DDX25: variants seen among roughly 807,000 people sequenced by gnomAD.
The protein encoded by DDX25 is ATP-dependent RNA helicase DDX25.
A neutral mutation model predicts 64.6 loss-of-function variants in DDX25; 70 were observed. The observed-to-expected ratio is 1.08, with a 90% confidence interval of 0.89 to 1.32. DDX25 has a LOEUF of 1.32. Ranked by LOEUF, DDX25 falls within the 40% of genes most tolerant of loss-of-function variation. DDX25 has a pLI of 0.00. For missense variants in DDX25, 587 were observed against 604.4 expected (o/e 0.97, Z 0.30); for synonymous variants, 211 against 213.3 (o/e 0.99, Z 0.09).
upstream of DDX25, chr11:125,904,332 C>T (rs1944842612): frequency 2.3e-6 from 1 of 429,646 alleles, no homozygotes. Context: ...CCGCCCCGCT[C>T]TCTGCCCTCC....
At chr11:125,914,419 A>G (rs1200643028) in intron 8 of DDX25, among the ~76,000 whole-genome samples, 3 of 152,194 alleles carry the variant, frequency 2.0e-5, no homozygotes, top group Non-Finnish European at 4.4e-5. Context: ...CCCATTCGGT[A>G]TGCATATTTT....
chr11:125,905,578 AGAT>A lies in DDX25; in HGVS notation c.162_164del (p.Asp54del), dbSNP rs1364769028. 29 of 1,551,770 alleles carry A rather than the reference AGAT, an allele frequency of 1.9e-5. No individual in the cohort carries two copies. The highest frequency in any genetic ancestry group is 2.5e-5 in the Non-Finnish European group (29 of 1,146,892). On this transcript the variant is annotated inframe_deletion, in exon 3 of 12. Coordinates refer to ENST00000263576, the MANE Select transcript of DDX25 (RefSeq NM_013264.5). The stretch of plus-strand genomic sequence containing the variant: ...ATGGTTCTATTAATAACATCAATGA[AGAT>A]GATGAAGAAGATGTAGGTAGGAGAT...
At chr11:125,905,627 A>T (rs892113333) in intron 3 of DDX25, 30 bp downstream of exon 3, 5 of 1,541,284 alleles carry the variant, frequency 3.2e-6, no homozygotes, top group Non-Finnish European at 8.8e-7. Flanking sequence ...GCATGTATCT[A>T]CTAGCATTCT....
In DDX25 at chr11:125,905,441, T is replaced by C. The variant is rs1229017644; in HGVS notation, c.131-112T>C. ...TTCGTCCATTCCTCCATGAAATGAC[T>C]CTTCTTGCCAGTAGACACTGAAGAG... On this transcript the variant is annotated intron_variant, in intron 2 of 11. Coordinates refer to ENST00000263576, the MANE Select transcript of DDX25 (RefSeq NM_013264.5). The C allele has an allele frequency of 1.4e-5, 19 of 1,346,096 alleles. No individual in the cohort carries two copies. The East Asian group carries it at 3.3e-4, about 23-fold the overall frequency. The allele number at this position is 1,346,096 out of a possible 1,614,324, so 83.4% of individuals were successfully genotyped here.
At chr11:125,907,383 C>CATGT in intron 4 of DDX25, among the ~76,000 whole-genome samples, 1 of 152,102 alleles carries the variant, frequency 6.6e-6, no homozygotes. Context: ...CCAAGGGGGG[C>CATGT]GGATCACGAG....
chr11:125,907,424 C>T lies in DDX25; in HGVS notation c.312-772C>T, dbSNP rs556046557. 4.7e-4 allele frequency among the ~76,000 whole-genome samples: 72 copies of T among 152,184 alleles called. 1 individual carries two copies. The highest frequency in any genetic ancestry group is 1.2e-3 in the African/African-American group (50 of 41,524). ...GAGATCGAGACCATCCTGGCTAACA[C>T]AGTGAAACCCCGTCTCTACTAAAAA... On this transcript the variant is annotated intron_variant, in intron 4 of 11. Transcript: ENST00000263576.
chr11:125,914,754 T>C (rs1216306458), intron 8 of DDX25, among the ~76,000 whole-genome samples: 3 of 152,226 alleles, frequency 2.0e-5, no homozygotes, highest in African/African-American at 4.8e-5. Flanking sequence ...TCTTTTTTTC[T>C]GAGATGGAGT....
chr11:125,913,673 TATTCTGAA>T (rs1944996503), intron 8 of DDX25, among the ~76,000 whole-genome samples: 1 of 152,032 alleles, frequency 6.6e-6, no homozygotes, highest in African/African-American at 2.4e-5. Context: ...TTCTTTATGG[TATTCTGAA>T]ACTTTTCAGT....
intron 10 of DDX25, among the ~76,000 whole-genome samples, chr11:125,919,940 A>C (rs1945090242): frequency 6.6e-6 from 1 of 152,232 alleles, no homozygotes; most frequent in African/African-American, 2.4e-5. Flanking sequence ...TTTAATTGAA[A>C]TATAGCCACA....
intron 1 of DDX25, 78 bp downstream of exon 1, chr11:125,904,658 A>G (rs1591513187): frequency 7.1e-7 from 1 of 1,398,724 alleles, no homozygotes; most frequent in Non-Finnish European, 9.5e-7. Flanking sequence ...CTGGGAGGGG[A>G]GGGAGAGCCC....
At chr11:125,905,969 G>A (rs1944878560) in intron 3 of DDX25, 105 bp from the exon 4 acceptor site, 1 of 1,363,104 alleles carries the variant, frequency 7.3e-7, no homozygotes, top group African/African-American at 1.5e-5. Context: ...GGAAAAATGA[G>A]CGTAGGTGCA....
chr11:125,918,862 T>C, intron 10 of DDX25, 72 bp downstream of exon 10: 1 of 1,454,100 alleles, frequency 6.9e-7, no homozygotes, highest in Non-Finnish European at 9.2e-7. Context: ...AGTGTACAGT[T>C]TCGCGAGTTT....
Position 125,925,265 on chromosome 11 carries a change from G to C in DDX25, c.*2384G>C. On this transcript the variant is annotated 3_prime_UTR_variant, in exon 12 of 12. Coordinates refer to ENST00000263576, the MANE Select transcript of DDX25 (RefSeq NM_013264.5). ...CCAGTTACCCTCACAAATGTCCTCA[G>C]TAATTTTTGTTTGGCAGCTGTTCCC... The C allele has an allele frequency of 1.6e-5, 6 of 371,160 alleles. No homozygotes were observed. The highest frequency in any genetic ancestry group is 1.2e-4 in the South Asian group (6 of 50,664). 23.0% of individuals were successfully genotyped at this position (371,160 alleles called of 1,614,324 possible).
In DDX25 at chr11:125,912,819, A is replaced by G. The variant is rs112991310; in HGVS notation, c.800+1331A>G. 6.5e-3 allele frequency among the ~76,000 whole-genome samples: 992 copies of G among 151,848 alleles called. 10 individuals are homozygous for G. Among genetic ancestry groups the G allele is most frequent in the African/African-American group, 0.023 (936 of 41,388 alleles). The stretch of plus-strand genomic sequence containing the variant: ...CCTTAGCTATTCTATCGTATGTGTC[A>G]TATGTCTGTGATATCTCCAAATAGT... On this transcript the variant is annotated intron_variant, in intron 8 of 11. Transcript: ENST00000263576.
intron 8 of DDX25, among the ~76,000 whole-genome samples, chr11:125,913,949 A>G (rs1199440210): frequency 6.6e-6 from 1 of 152,214 alleles, no homozygotes; most frequent in African/African-American, 2.4e-5. Context: ...CATTAAAATA[A>G]CACAGTCATT....
intron 10 of DDX25, 100 bp downstream of exon 10, chr11:125,918,890 T>A (rs1945076435): frequency 1.5e-6 from 2 of 1,323,692 alleles, no homozygotes; most frequent in African/African-American, 3.0e-5. Context: ...CATGCAATCA[T>A]GCAGCTATCA....
chr11:125,917,326 C>T (rs920290943), intron 9 of DDX25, 75 bp downstream of exon 9: 9 of 1,389,442 alleles, frequency 6.5e-6, no homozygotes, highest in Non-Finnish European at 8.8e-6. Flanking sequence ...AATAAGTGCC[C>T]TAGAGCCAGG....
At chr11:125,918,941 C>G (rs192421126) in intron 10 of DDX25, among the ~76,000 whole-genome samples, 151 bp downstream of exon 10, 1 of 152,238 alleles carries the variant, frequency 6.6e-6, no homozygotes, top group African/African-American at 2.4e-5. Flanking sequence ...CCCCAGTTTC[C>G]TCACACTCCT....
intron 6 of DDX25, among the ~76,000 whole-genome samples, chr11:125,909,601 A>G (rs759925031): frequency 2.0e-5 from 3 of 151,742 alleles, no homozygotes; most frequent in Non-Finnish European, 4.4e-5. Flanking sequence ...AAAGATATAG[A>G]TAATATAAAC....
Sources: gnomAD v4.1 joint callset for allele counts (sites outside exome capture counted in the v4.1 genomes callset) on GRCh38, gnomAD v4.1.1 for gene constraint, MANE v1.5 for transcripts, NCBI Gene and HGNC (gene_info 2026-07-23, HGNC 2026-07-21) for gene names.